GPATCH2L: variants seen among roughly 807,000 people sequenced by gnomAD.
GPATCH2L encodes the protein G patch domain-containing protein 2-like.
Under a neutral mutation model 57.4 loss-of-function variants are expected in GPATCH2L, and 31 were observed. That is an observed-to-expected ratio of 0.54 (90% CI 0.41 to 0.73). The LOEUF (loss-of-function observed/expected upper bound fraction) is 0.73. GPATCH2L is among the 30% of genes least tolerant of loss of function. GPATCH2L has a pLI of 0.00. For synonymous variants in GPATCH2L, 199 were observed against 210.7 expected, an observed-to-expected ratio of 0.94 and a Z score of 0.48; for missense variants, 481 against 599.9, an observed-to-expected ratio of 0.80 and a Z score of 2.07.
At chr14:76,177,780 C>G (rs1051317480) in intron 6 of GPATCH2L, 1 of 645,662 alleles carries the variant, frequency 1.5e-6, no homozygotes, top group African/African-American at 2.0e-5. Context: ...TTCTCTATTC[C>G]CTTCTTTGTC....
At chr14:76,155,670 T>C (rs1013125973) in intron 2 of GPATCH2L, among the ~76,000 whole-genome samples, 2 of 152,254 alleles carry the variant, frequency 1.3e-5, no homozygotes, top group African/African-American at 4.8e-5. Flanking sequence ...TTTAAAAATG[T>C]AAGTGTAGTT....
chr14:76,216,202 T>C (rs911736600), downstream of GPATCH2L, among the ~76,000 whole-genome samples: 2 of 152,146 alleles, frequency 1.3e-5, no homozygotes, highest in African/African-American at 4.8e-5. Context: ...AAAATTGCCT[T>C]TCTTGACCTT....
At chr14:76,216,613 G>T (rs12896180), downstream of GPATCH2L, among the ~76,000 whole-genome samples, 59,710 of 152,098 alleles carry the variant, frequency 0.39, 14,109 homozygotes, top group South Asian at 0.55. Flanking sequence ...ATCTGGGCCT[G>T]TGTACTCTGC....
At chr14:76,177,490 G>T (rs1336872368) in intron 6 of GPATCH2L, among the ~76,000 whole-genome samples, 5 of 151,478 alleles carry the variant, frequency 3.3e-5, no homozygotes, top group Non-Finnish European at 7.4e-5. Context: ...ATGCATCATG[G>T]TCAGTACCCA....
chr14:76,158,102 T>C (rs1416529582), intron 2 of GPATCH2L, among the ~76,000 whole-genome samples: 1 of 152,224 alleles, frequency 6.6e-6, no homozygotes, highest in African/African-American at 2.4e-5. Flanking sequence ...CATCATTTGT[T>C]TGTTCCCCTT....
chr14:76,187,265 G>T (rs2039802218), intron 8 of GPATCH2L, among the ~76,000 whole-genome samples: 1 of 151,900 alleles, frequency 6.6e-6, no homozygotes, highest in African/African-American at 2.4e-5. Context: ...TTACAACTCA[G>T]TGTCTCGGAG....
intron 6 of GPATCH2L, 170 bp from the exon 7 acceptor site, chr14:76,177,818 T>C (rs1011741906): frequency 4.2e-5 from 37 of 874,316 alleles, no homozygotes; most frequent in Admixed American, 1.1e-4. Context: ...ACATCTTATC[T>C]TCTTCTCCCT....
chr14:76,182,363 GA>G lies in GPATCH2L; in HGVS notation c.1193+1535del, dbSNP rs3059799. Among the ~76,000 whole-genome samples, 221 of 85,624 alleles carry G rather than the reference GA, an allele frequency of 2.6e-3. 1 individual carries two copies. The highest frequency in any genetic ancestry group is 4.9e-3 in the African/African-American group (106 of 21,424). 56.2% of individuals were successfully genotyped at this position (85,624 alleles called of 152,430 possible). On this transcript the variant is annotated intron_variant, in intron 8 of 9. Coordinates refer to ENST00000261530, the MANE Select transcript of GPATCH2L (RefSeq NM_017926.4). ...CAGAGCGAGACCCCGTCTCAGAAAA[GA>G]AAAAAAAAAAAAAAAAAAAAGAATG...
chr14:76,176,528 G>A (rs922470468), intron 5 of GPATCH2L, 95 bp from the exon 6 acceptor site: 1 of 824,376 alleles, frequency 1.2e-6, no homozygotes. Context: ...TTTTGAGGTT[G>A]CCTTAGCTGG....
In GPATCH2L at chr14:76,213,144, T is replaced by G. The variant is rs2040460524; in HGVS notation, c.*11293T>G. On this transcript the variant is annotated 3_prime_UTR_variant, in exon 10 of 10. Coordinates refer to ENST00000261530, the MANE Select transcript of GPATCH2L (RefSeq NM_017926.4). ...AATTAGAAAAATGAGGAAACAAAGC[T>G]AATTTTTAAAATATGTAGTAAAATA... 6.6e-6 allele frequency: 1 copy of G among 152,102 alleles called. No individual in the cohort carries two copies. The highest frequency in any genetic ancestry group is 2.1e-4 in the South Asian group (1 of 4,832). The allele number at this position is 152,102 out of a possible 1,614,324, so 9.4% of individuals were successfully genotyped here. A position where few individuals can be genotyped will look rare whatever the true frequency, so the allele number is the denominator to read the frequency against.
intron 5 of GPATCH2L, chr14:76,174,990 CA>C (rs991420872): frequency 6.6e-6 from 1 of 152,184 alleles, no homozygotes; most frequent in African/African-American, 2.4e-5. Flanking sequence ...TGATACCTTT[CA>C]AATTACTCAT....
At chr14:76,197,004 T>C (rs2040174033) in intron 9 of GPATCH2L, among the ~76,000 whole-genome samples, 1 of 152,170 alleles carries the variant, frequency 6.6e-6, no homozygotes, top group Non-Finnish European at 1.5e-5. Flanking sequence ...GGCCCTGAGC[T>C]GAACACTTTG....
chr14:76,208,123 G>A lies in GPATCH2L; in HGVS notation c.*6272G>A, dbSNP rs2040399487. On this transcript the variant is annotated 3_prime_UTR_variant, in exon 10 of 10. Coordinates refer to ENST00000261530, the MANE Select transcript of GPATCH2L (RefSeq NM_017926.4). ...GTTAGTGTTACTAGATATTATCAAG[G>A]TGTGAGACTAAAAAGTTAGAAGGCT... 1.3e-5 allele frequency: 2 copies of A among 152,094 alleles called. No individual in the cohort carries two copies. The highest frequency in any genetic ancestry group is 4.8e-5 in the African/African-American group (2 of 41,406). The allele number at this position is 152,094 out of a possible 1,614,324, so 9.4% of individuals were successfully genotyped here.
At chr14:76,180,944 C>A in intron 8 of GPATCH2L, 95 bp downstream of exon 8, 1 of 744,022 alleles carries the variant, frequency 1.3e-6, no homozygotes, top group Non-Finnish European at 2.4e-6. Flanking sequence ...TGTACAGTAT[C>A]CAATTTGATC....
chr14:76,175,593 C>T (rs1041502540), intron 5 of GPATCH2L: 3 of 152,150 alleles, frequency 2.0e-5, no homozygotes, highest in Non-Finnish European at 4.4e-5. Context: ...CCTTGGCCCC[C>T]CTACCATGTC....
At chr14:76,220,615 T>C (rs1024880835) in intron 1 of GPATCH2L, among the ~76,000 whole-genome samples, 10 of 152,186 alleles carry the variant, frequency 6.6e-5, no homozygotes, top group African/African-American at 2.4e-4. Context: ...TAGAATACTA[T>C]AACCAGCAGT....
intron 8 of GPATCH2L, 25 bp from the exon 9 acceptor site, chr14:76,195,853 A>G: frequency 6.4e-7 from 1 of 1,559,988 alleles, no homozygotes; most frequent in Non-Finnish European, 8.8e-7. Context: ...AGTTCAAACC[A>G]TTTTTCTTCT....
At chr14:76,182,363 GAAAAAAAAAAA>G (rs3059799) in intron 8 of GPATCH2L, among the ~76,000 whole-genome samples, 45 of 85,624 alleles carry the variant, frequency 5.3e-4, no homozygotes, top group Non-Finnish European at 8.0e-4. Flanking sequence ...TCTCAGAAAA[GAAAAAAAAAAA>G]AAAAAAAAAA....
chr14:76,170,673 T>C (rs1006370652), intron 3 of GPATCH2L: 1 of 152,228 alleles, frequency 6.6e-6, no homozygotes, highest in African/African-American at 2.4e-5. Flanking sequence ...TATGGACATA[T>C]ATTCTTTATT....
Sources: allele counts gnomAD v4.1 joint callset (sites outside exome capture counted in the v4.1 genomes callset), GRCh38; gene constraint gnomAD v4.1.1; transcripts MANE v1.5; gene names NCBI Gene and HGNC (gene_info 2026-07-23, HGNC 2026-07-21).